MPND: variants seen among roughly 807,000 people sequenced by gnomAD.
MPND encodes MPN domain-containing protein.
MPND carries 56 observed loss-of-function variants against 59.2 expected under a neutral mutation model. That is an observed-to-expected ratio of 0.95 (90% CI 0.76 to 1.18). The LOEUF (loss-of-function observed/expected upper bound fraction) is 1.18. Among genes scored for constraint, MPND ranks in the 50% most tolerant of loss-of-function variants. The pLI is 0.00. For synonymous variants in MPND, 323 were observed against 291.9 expected, an observed-to-expected ratio of 1.11 and a Z score of -1.09; for missense variants, 671 against 676.0, an observed-to-expected ratio of 0.99 and a Z score of 0.08.
chr19:4,353,112 A>T (rs1214040277), intron 4 of MPND, 83 bp downstream of exon 4: 2 of 1,143,282 alleles, frequency 1.7e-6, no homozygotes, highest in Non-Finnish European at 2.3e-6. Context: ...TTGGGCCTTG[A>T]TCTTCTCCTA....
intron 8 of MPND, among the ~76,000 whole-genome samples, chr19:4,355,529 G>A (rs1972419614): frequency 6.6e-6 from 1 of 152,146 alleles, no homozygotes. Context: ...TAGAGACGGG[G>A]TTTCACCGCG....
At chr19:4,356,006 A>G (rs1972431398) in intron 8 of MPND, among the ~76,000 whole-genome samples, 1 of 150,704 alleles carries the variant, frequency 6.6e-6, no homozygotes, top group African/African-American at 2.4e-5. Flanking sequence ...GGTGTGCGCC[A>G]CCATCTCCAG....
Position 4,360,003 on chromosome 19 carries a change from G to GCCTT in MPND, c.*4_*7dup. ...CGGCGTCCTCAAGCAGGGGAGCTGAGCCTTCCAGGGCAGGGTGGGCTCCAG... is the reference window on the plus strand; with the variant it reads ...CGGCGTCCTCAAGCAGGGGAGCTGAGCCTTCCTTCCAGGGCAGGGTGGGCTCCAG... On this transcript the variant is annotated 3_prime_UTR_variant, in exon 13 of 13. Transcript: ENST00000599840. 12 of 1,558,528 alleles carry GCCTT rather than the reference G, an allele frequency of 7.7e-6. No individual in the cohort carries two copies. Among genetic ancestry groups the GCCTT allele is most frequent in the Non-Finnish European group, 1.0e-5 (12 of 1,150,830 alleles).
intron 12 of MPND, among the ~76,000 whole-genome samples, chr19:4,359,673 G>T (rs557783765): frequency 6.6e-6 from 1 of 152,138 alleles, no homozygotes; most frequent in African/African-American, 2.4e-5. Context: ...CTGAAGTGGG[G>T]GCAGGATCGG....
At chr19:4,346,072 T>A in intron 3 of MPND, 91 bp downstream of exon 3, 1 of 1,064,766 alleles carries the variant, frequency 9.4e-7, no homozygotes, top group Non-Finnish European at 1.4e-6. Flanking sequence ...GAGGAGGTAT[T>A]AGTAATATAT....
At chr19:4,359,347 C>A in intron 12 of MPND, 92 bp downstream of exon 12, 2 of 926,674 alleles carry the variant, frequency 2.2e-6, no homozygotes, top group Non-Finnish European at 3.4e-6. Context: ...CCCCGTGGGC[C>A]TCAGGGGCCT....
At chr19:4,348,493 T>C (rs1198054491) in intron 3 of MPND, 1 of 151,992 alleles carries the variant, frequency 6.6e-6, no homozygotes, top group Non-Finnish European at 1.5e-5. Flanking sequence ...ACTCCTGACC[T>C]CGTGATCCAC....
intron 3 of MPND, among the ~76,000 whole-genome samples, chr19:4,350,828 G>C (rs1972300522): frequency 6.6e-6 from 1 of 152,062 alleles, no homozygotes; most frequent in African/African-American, 2.4e-5. Context: ...GTGTAGACAG[G>C]ATTTGGAGCC....
At chr19:4,351,398 C>T (rs1599571394) in intron 3 of MPND, among the ~76,000 whole-genome samples, 1 of 152,114 alleles carries the variant, frequency 6.6e-6, no homozygotes, top group African/African-American at 2.4e-5. Context: ...CCACTGTGCC[C>T]GACTGGGAGG....
rs532426316 is a variant in MPND at position 4,358,195 on chromosome 19, A to C, written c.1326+23A>C. The stretch of plus-strand genomic sequence containing the variant: ...ATGGTGAGCTCGCTGCGGGGCGGGC[A>C]GGCAGGGGCTGGCAGTGCGCAGCTG... On this transcript the variant is annotated intron_variant, in intron 11 of 12. Coordinates refer to ENST00000599840, the MANE Select transcript of MPND (RefSeq NM_001300862.2). 6.5e-6 allele frequency: 10 copies of C among 1,545,936 alleles called. No homozygotes were observed. In the East Asian group the frequency reaches 2.4e-4, roughly 38 times the overall value.
intron 3 of MPND, among the ~76,000 whole-genome samples, chr19:4,351,901 G>A (rs1029031113): frequency 3.4e-5 from 5 of 147,762 alleles, no homozygotes; most frequent in South Asian, 2.1e-4. Context: ...GGCTGGGCAC[G>A]GTGGCTCACA....
At chr19:4,359,087 C>A in intron 11 of MPND, 76 bp from the exon 12 acceptor site, 2 of 984,952 alleles carry the variant, frequency 2.0e-6, no homozygotes, top group Non-Finnish European at 1.6e-6. Flanking sequence ...CTGCCTGAGA[C>A]TGGAACCCCA....
intron 8 of MPND, 122 bp from the exon 9 acceptor site, chr19:4,357,131 T>TG: frequency 2.8e-6 from 3 of 1,077,224 alleles, no homozygotes; most frequent in Non-Finnish European, 3.8e-6. Context: ...GGGCCTGTCT[T>TG]GGTCATCACT....
intron 3 of MPND, among the ~76,000 whole-genome samples, chr19:4,346,981 G>A (rs544716357): frequency 1.3e-5 from 2 of 152,050 alleles, no homozygotes; most frequent in South Asian, 4.2e-4. Context: ...AGTGAGCTGA[G>A]ATCACACCAC....
chr19:4,357,375 G>A lies in MPND; in HGVS notation c.1119G>A (p.Leu373=). ...IDAQMDYQLR[L]QGSSNGFQPC... ...CACAGATGGACTACCAGCTGCGGCT[G>A]CAGGGCTCCAGCAATGGCTTCCAGC... The change falls in exon 9 of 13, where the codon CTG becomes CTA. Residue 373 remains leucine, a synonymous_variant. Coordinates refer to ENST00000599840, the MANE Select transcript of MPND (RefSeq NM_001300862.2). The A allele has an allele frequency of 6.2e-7, 1 of 1,612,990 alleles. No individual in the cohort carries two copies. Among genetic ancestry groups the A allele is most frequent in the Non-Finnish European group, 8.5e-7 (1 of 1,179,958 alleles).
At position 4,355,492 on chromosome 19, in the gene MPND, C is replaced by G. The variant is rs548610122; in HGVS notation, c.996+319C>G. 1.3e-4 allele frequency among the ~76,000 whole-genome samples: 20 copies of G among 152,252 alleles called. No homozygotes were observed. The South Asian group carries it at 1.9e-3, about 14-fold the overall frequency. ...CTGGGACTACAGGTGCCTGCCACCA[C>G]GCCCAGCTAATTTTTTGTGTTTTTA... is the stretch of plus-strand genomic sequence containing the variant. On this transcript the variant is annotated intron_variant, in intron 8 of 12. Transcript: ENST00000599840.
intron 8 of MPND, chr19:4,356,505 A>C (rs1470448293): frequency 6.6e-6 from 1 of 152,306 alleles, no homozygotes; most frequent in East Asian, 1.9e-4. Context: ...AGATGGCGCC[A>C]CTGTGTTCCA....
intron 8 of MPND, 83 bp downstream of exon 8, chr19:4,355,256 G>A (rs1363224118): frequency 2.1e-6 from 3 of 1,439,800 alleles, no homozygotes; most frequent in South Asian, 1.2e-5. Context: ...GTGGCTGGCA[G>A]TGTCATCACC....
intron 10 of MPND, 176 bp downstream of exon 10, chr19:4,357,761 G>T: frequency 1.5e-6 from 1 of 657,932 alleles, no homozygotes; most frequent in South Asian, 2.0e-5. Flanking sequence ...GGTCCTGGGC[G>T]TGGGGCCTCC....
Sources: gnomAD v4.1 joint callset for allele counts (sites outside exome capture counted in the v4.1 genomes callset) on GRCh38, gnomAD v4.1.1 for gene constraint, MANE v1.5 for transcripts, NCBI Gene and HGNC (gene_info 2026-07-23, HGNC 2026-07-21) for gene names.